The following TRIM69 variants were observed in gnomAD, a reference collection of about 807,000 sequenced individuals.
TRIM69 encodes tripartite motif containing 69.
A neutral mutation model predicts 37.7 loss-of-function variants in TRIM69; 29 were observed. The observed-to-expected ratio is 0.77, with a 90% CI of 0.57 to 1.05. TRIM69 has a LOEUF of 1.05. Ranked by LOEUF, TRIM69 falls within the 50% of genes least tolerant of loss-of-function variation. The probability of loss-of-function intolerance (pLI) is 0.00; values close to 1 mark genes in which losing one functional copy is unlikely to be tolerated. For missense variants in TRIM69, 596 were observed against 579.9 expected, an observed-to-expected ratio of 1.03 and a Z score of -0.28; for synonymous variants, 209 against 212.4, an observed-to-expected ratio of 0.98 and a Z score of 0.14.
rs1483499822 is a variant in TRIM69 at position 44,759,680 on chromosome 15, G to A, written c.836+18G>A. On this transcript the variant is annotated intron_variant, in intron 5 of 6. Coordinates refer to ENST00000329464, the MANE Select transcript of TRIM69 (RefSeq NM_182985.5). ...TTACATAGGTAAGTGTTTCCCTATG[G>A]TACTATTAATATCATTCCTTGAGTC... The A allele has an allele frequency of 1.2e-6, 2 of 1,614,024 alleles. No homozygotes were observed. The highest frequency in any genetic ancestry group is 4.5e-5 in the East Asian group (2 of 44,878).
intron 1 of TRIM69, among the ~76,000 whole-genome samples, chr15:44,745,869 AG>A (rs2087396081): frequency 6.6e-6 from 1 of 152,200 alleles, no homozygotes; most frequent in African/African-American, 2.4e-5. Context: ...GGGAAAAAAA[AG>A]AATGAATAAA....
In TRIM69 at chr15:44,759,660, T is replaced by C. The variant is rs1264818442; in HGVS notation, c.834T>C (p.His278=). The C allele has an allele frequency of 6.2e-7, 1 of 1,614,116 alleles. No individual in the cohort carries two copies. ...DFLKDITTLL[H]SLEQGMKVLA... is the part of the protein sequence containing the mutation. Reference sequence around the variant, plus strand: ...TCTAGGACATCACAACTCTCTTACATAGGTAAGTGTTTCCCTATGGTACTA... The same window carrying C: ...TCTAGGACATCACAACTCTCTTACACAGGTAAGTGTTTCCCTATGGTACTA... Residue 278 remains histidine (H), a splice_region_variant and synonymous_variant, in exon 5 of 7, where the codon CAT becomes CAC. Coordinates refer to ENST00000329464, the MANE Select transcript of TRIM69 (RefSeq NM_182985.5).
At chr15:44,739,396 G>C (rs189475549) in intron 1 of TRIM69, among the ~76,000 whole-genome samples, 3 of 152,222 alleles carry the variant, frequency 2.0e-5, no homozygotes, top group African/African-American at 7.2e-5. Flanking sequence ...TGGGTGCAGC[G>C]CACCGTGCGT....
chr15:44,756,355 T>C lies in TRIM69; in HGVS notation c.484-13T>C. ...CCGAGTTAGTCTGGGTTAATTCTAT[T>C]TGATATTCCCAGGAGGAGCTTGCCA... On this transcript the variant is annotated splice_polypyrimidine_tract_variant and intron_variant, in intron 2 of 6. Coordinates refer to ENST00000329464, the MANE Select transcript of TRIM69 (RefSeq NM_182985.5). 6.5e-7 allele frequency: 1 copy of C among 1,534,310 alleles called. No homozygotes were observed. The highest frequency in any genetic ancestry group is 1.4e-5 in the African/African-American group (1 of 72,786).
In TRIM69 at chr15:44,755,366, A is replaced by G. The variant is rs762343655; in HGVS notation, c.473A>G (p.His158Arg). The G allele has an allele frequency of 8.7e-6, 14 of 1,612,514 alleles. No homozygotes were observed. The South Asian group carries it at 1.3e-4, about 15-fold the overall frequency. The change falls in exon 2 of 7, where the codon CAT (histidine) becomes CGT (arginine). Residue 158 changes from histidine (H) to arginine (R), a missense_variant. Transcript: ENST00000329464. ...KEFLQISDAV[H>R]FFTEELAIQQ... ...TTCCTGCAAATCTCTGATGCTGTCCATTTCTTCACGGTGGGTGAGCCCTGG... is the reference window on the plus strand; with the variant it reads ...TTCCTGCAAATCTCTGATGCTGTCCGTTTCTTCACGGTGGGTGAGCCCTGG...
At chr15:44,762,490 T>G (rs1450493940) in intron 6 of TRIM69, among the ~76,000 whole-genome samples, 1 of 152,128 alleles carries the variant, frequency 6.6e-6, no homozygotes, top group South Asian at 2.1e-4. Context: ...GAGTCTAATT[T>G]TACATATTTT....
Position 44,759,825 on chromosome 15 carries a change from C to T in TRIM69, c.914C>T (p.Pro305Leu). Residue 305 changes from proline (P) to leucine (L), a missense_variant, in exon 6 of 7, where the codon CCT (proline) becomes CTT (leucine). Coordinates refer to ENST00000329464, the MANE Select transcript of TRIM69 (RefSeq NM_182985.5). ...CTGAACCTGGGCCAGTACAAAGGTCCTATCCAGTACATGGTATGGAGGGAA... is the reference window on the plus strand; with the variant it reads ...CTGAACCTGGGCCAGTACAAAGGTCTTATCCAGTACATGGTATGGAGGGAA... ...RKLNLGQYKGPIQYMVWREMQ... is the reference protein window; with the variant it reads ...RKLNLGQYKGLIQYMVWREMQ... The T allele has an allele frequency of 6.2e-7, 1 of 1,614,152 alleles. No individual in the cohort carries two copies. The highest frequency in any genetic ancestry group is 8.5e-7 in the Non-Finnish European group (1 of 1,180,016).
intron 6 of TRIM69, 21 bp downstream of exon 6, chr15:44,759,893 T>G: frequency 6.2e-7 from 1 of 1,601,320 alleles, no homozygotes; most frequent in South Asian, 1.1e-5. Flanking sequence ...GTAGTAACTA[T>G]TGGTTCTTGA....
intron 1 of TRIM69, among the ~76,000 whole-genome samples, chr15:44,751,690 C>A (rs2087535407): frequency 2.0e-5 from 3 of 152,076 alleles, no homozygotes; most frequent in African/African-American, 7.2e-5. Flanking sequence ...ATAGCTATAA[C>A]TTTCCTTGTT....
intron 1 of TRIM69, among the ~76,000 whole-genome samples, chr15:44,751,347 C>T (rs1048912622): frequency 1.3e-5 from 2 of 152,054 alleles, no homozygotes; most frequent in African/African-American, 2.4e-5. Flanking sequence ...AACTCCTGAC[C>T]TCAGGTGATC....
intron 1 of TRIM69, 132 bp downstream of exon 1, chr15:44,736,842 C>T (rs779905992): frequency 9.3e-6 from 9 of 965,164 alleles, no homozygotes; most frequent in East Asian, 2.6e-5. Context: ...CTTGTGACAG[C>T]TGGTAGCTAC....
intron 6 of TRIM69, among the ~76,000 whole-genome samples, chr15:44,761,066 T>C (rs2087764913): frequency 6.6e-6 from 1 of 151,876 alleles, no homozygotes; most frequent in Non-Finnish European, 1.5e-5. Flanking sequence ...TACAGGCGCC[T>C]GCCACCATGC....
At chr15:44,738,877 A>G (rs1447456575) in intron 1 of TRIM69, among the ~76,000 whole-genome samples, 1 of 152,220 alleles carries the variant, frequency 6.6e-6, no homozygotes, top group Non-Finnish European at 1.5e-5. Context: ...ATGCTCAGTA[A>G]ATATTAGCTA....
chr15:44,738,669 T>A (rs1384619689), intron 1 of TRIM69, among the ~76,000 whole-genome samples: 1 of 152,246 alleles, frequency 6.6e-6, no homozygotes, highest in Non-Finnish European at 1.5e-5. Flanking sequence ...GGCTCTCTGC[T>A]GACTCAGTGG....
At chr15:44,739,857 T>C (rs2087243209) in intron 1 of TRIM69, among the ~76,000 whole-genome samples, 1 of 151,712 alleles carries the variant, frequency 6.6e-6, no homozygotes, top group African/African-American at 2.4e-5. Context: ...TGTCCCTGTC[T>C]GACAGCTTTG....
chr15:44,765,658 GC>G (rs2087869184), intron 6 of TRIM69, among the ~76,000 whole-genome samples: 1 of 18,826 alleles, frequency 5.3e-5, no homozygotes, highest in African/African-American at 1.8e-4. Context: ...GGAGGCTGAA[GC>G]AGGAGAATTG....
chr15:44,767,123 G>A, intron 6 of TRIM69, 108 bp from the exon 7 acceptor site: 1 of 514,918 alleles, frequency 1.9e-6, no homozygotes, highest in Non-Finnish European at 3.3e-6. Flanking sequence ...GAGTCTATGT[G>A]TATGGGGAGA....
intron 4 of TRIM69, 36 bp downstream of exon 4, chr15:44,758,890 C>G: frequency 6.3e-7 from 1 of 1,584,808 alleles, no homozygotes. Context: ...TGGGTACCTT[C>G]CTACCTAGAG....
intron 1 of TRIM69, among the ~76,000 whole-genome samples, chr15:44,746,521 A>G: frequency 1.3e-5 from 2 of 152,366 alleles, no homozygotes; most frequent in Middle Eastern, 3.4e-3. Context: ...ATATAAAAAA[A>G]GAAATCAATC....
Sources: allele counts gnomAD v4.1 joint callset (sites outside exome capture counted in the v4.1 genomes callset), GRCh38; gene constraint gnomAD v4.1.1; transcripts MANE v1.5; gene names NCBI Gene and HGNC (gene_info 2026-07-23, HGNC 2026-07-21).